The following PCDHGA3 variants were observed in gnomAD, a reference collection of about 807,000 sequenced individuals.
The protein encoded by PCDHGA3 is protocadherin gamma-A3.
Under a neutral mutation model 58.5 loss-of-function variants are expected in PCDHGA3, and 40 were observed. The ratio of observed to expected loss-of-function variants is 0.68; its 90% confidence interval spans 0.53 to 0.89. The LOEUF (loss-of-function observed/expected upper bound fraction) is 0.89. Ranked by LOEUF, PCDHGA3 falls within the 40% of genes least tolerant of loss-of-function variation. The probability of loss-of-function intolerance (pLI) is 0.00; values close to 1 mark genes in which losing one functional copy is unlikely to be tolerated. For missense variants in PCDHGA3, 1,223 were observed against 1,195.9 expected, an observed-to-expected ratio of 1.02 and a Z score of -0.33; for synonymous variants, 530 against 525.7, an observed-to-expected ratio of 1.01 and a Z score of -0.11.
intron 1 of PCDHGA3, among the ~76,000 whole-genome samples, chr5:141,468,868 A>T (rs1006995156): frequency 9.2e-5 from 14 of 151,794 alleles, no homozygotes; most frequent in African/African-American, 2.4e-4. Flanking sequence ...TCCATCTCAA[A>T]AATAATAATA....
rs560662076 is a variant in PCDHGA3, at chr5:141,498,856, C to A, written c.2483+3991C>A. Among the ~76,000 whole-genome samples, 72 of 152,004 alleles carry A rather than the reference C, an allele frequency of 4.7e-4. 2 individuals carry two copies. Among genetic ancestry groups the A allele is most frequent in the African/African-American group, 1.7e-3 (69 of 41,430 alleles). ...GCTGAGGCAGGGGAATCGCTTGAACCCAGGAGGCGGAGGTTGCAGTGAGCT... is the reference window on the plus strand; with the variant it reads ...GCTGAGGCAGGGGAATCGCTTGAACACAGGAGGCGGAGGTTGCAGTGAGCT... On this transcript the variant is annotated intron_variant, in intron 2 of 3. Coordinates refer to ENST00000253812, the MANE Select transcript of PCDHGA3 (RefSeq NM_018916.4).
chr5:141,399,996 C>A (rs753801667), intron 1 of PCDHGA3: 5 of 1,612,402 alleles, frequency 3.1e-6, no homozygotes, highest in Non-Finnish European at 4.2e-6. Flanking sequence ...GAGAGGTGCG[C>A]ACAGCGCGTG....
chr5:141,491,507 C>A lies in PCDHGA3; in HGVS notation c.2425-3300C>A, dbSNP rs755899622. 1.9e-6 allele frequency: 3 copies of A among 1,614,038 alleles called. No individual in the cohort carries two copies. The highest frequency in any genetic ancestry group is 1.6e-4 in the Middle Eastern group (1 of 6,062). Reference sequence around the variant, plus strand: ...AACCTGCAGGTGAGCTCGGACGGCACGCTCAAGTACATGGAGGTGACGCTG... The same window carrying A: ...AACCTGCAGGTGAGCTCGGACGGCAAGCTCAAGTACATGGAGGTGACGCTG... On this transcript the variant is annotated intron_variant, in intron 1 of 3. Transcript: ENST00000253812. The surrounding 1 kb of genome is among the most constrained non-coding windows in gnomAD (Gnocchi z 6.9).
chr5:141,372,928 T>C, intron 1 of PCDHGA3: 1 of 925,756 alleles, frequency 1.1e-6, no homozygotes, highest in Non-Finnish European at 1.6e-6. Context: ...GATTTTCTGG[T>C]GTAGAGTAGG....
At chr5:141,446,493 T>C (rs1416449558) in intron 1 of PCDHGA3, among the ~76,000 whole-genome samples, 2 of 152,152 alleles carry the variant, frequency 1.3e-5, no homozygotes. Flanking sequence ...TTTTTTTTTT[T>C]TGAGATGGAG....
chr5:141,385,231 A>G (rs1781024340), intron 1 of PCDHGA3: 1 of 1,614,136 alleles, frequency 6.2e-7, no homozygotes, highest in Non-Finnish European at 8.5e-7. Flanking sequence ...CTATGTAGAC[A>G]TGCTCATCAG....
At chr5:141,400,791 T>C in intron 1 of PCDHGA3, 1 of 562,286 alleles carries the variant, frequency 1.8e-6, no homozygotes, top group Non-Finnish European at 3.1e-6. Flanking sequence ...TTTGTCCTCT[T>C]TCTCAAAGCT....
At chr5:141,355,120 T>C (rs1759719177) in intron 1 of PCDHGA3, 2 of 1,514,578 alleles carry the variant, frequency 1.3e-6, no homozygotes, top group Non-Finnish European at 8.8e-7. Flanking sequence ...GCACTTTATT[T>C]TGGACCCAGA....
chr5:141,477,502 C>A lies in PCDHGA3; in HGVS notation c.2425-17305C>A, dbSNP rs2099412065. On this transcript the variant is annotated intron_variant, in intron 1 of 3. Coordinates refer to ENST00000253812, the MANE Select transcript of PCDHGA3 (RefSeq NM_018916.4). This position sits in a 1 kb window ranked among gnomAD's most constrained non-coding sequence, Gnocchi z 4.9. ...CTCCACAATCTTCTCAATCTTCCTA[C>A]GACGTTTACATTGAAGAAAACAACC... The A allele has an allele frequency of 9.3e-6, 15 of 1,614,026 alleles. No homozygotes were observed. The highest frequency in any genetic ancestry group is 1.3e-5 in the Non-Finnish European group (15 of 1,180,026).
intron 1 of PCDHGA3, among the ~76,000 whole-genome samples, chr5:141,369,996 C>T (rs1292122597): frequency 6.6e-6 from 1 of 152,078 alleles, no homozygotes; most frequent in Non-Finnish European, 1.5e-5. Flanking sequence ...GGATAAAGCT[C>T]AAATTAAAAG....
Position 141,485,943 on chromosome 5 carries a change from C to A in PCDHGA3, c.2425-8864C>A, listed in dbSNP as rs750871245. The A allele has an allele frequency of 1.9e-6, 3 of 1,614,126 alleles. No individual in the cohort carries two copies. Among genetic ancestry groups the A allele is most frequent in the Non-Finnish European group, 1.7e-6 (2 of 1,180,012 alleles). ...ATTAGTGTGTTGGAGAGCGCACCAG[C>A]GGGCATGGTGCTCATCCAGCTCAAT... is the stretch of plus-strand genomic sequence containing the variant. On this transcript the variant is annotated intron_variant, in intron 1 of 3. Coordinates refer to ENST00000253812, the MANE Select transcript of PCDHGA3 (RefSeq NM_018916.4). The surrounding 1 kb of genome is among the most constrained non-coding windows in gnomAD (Gnocchi z 5.7).
chr5:141,411,258 A>G (rs1415319110), intron 1 of PCDHGA3: 1 of 152,200 alleles, frequency 6.6e-6, no homozygotes, highest in African/African-American at 2.4e-5. Flanking sequence ...TATCTTATTT[A>G]TATATTTTTA....
At chr5:141,427,480 A>G in intron 1 of PCDHGA3, 1 of 531,758 alleles carries the variant, frequency 1.9e-6, no homozygotes, top group South Asian at 1.5e-5. Context: ...GCCAATAATG[A>G]CTATAAGCTT....
At chr5:141,385,552 T>C in intron 1 of PCDHGA3, 2 of 1,315,868 alleles carry the variant, frequency 1.5e-6, no homozygotes, top group Non-Finnish European at 9.7e-7. Flanking sequence ...ACTATCACAT[T>C]TTATAATTTC....
chr5:141,466,486 T>C (rs1005010773), intron 1 of PCDHGA3, among the ~76,000 whole-genome samples: 1 of 152,240 alleles, frequency 6.6e-6, no homozygotes, highest in Non-Finnish European at 1.5e-5. Flanking sequence ...GTAGGTCTTC[T>C]TTAATTAGAG....
intron 1 of PCDHGA3, among the ~76,000 whole-genome samples, chr5:141,373,152 A>C (rs1769359529): frequency 6.6e-6 from 1 of 152,250 alleles, no homozygotes; most frequent in Non-Finnish European, 1.5e-5. Context: ...TGGTTTACTT[A>C]GTTTTAATGC....
At chr5:141,481,812 C>T (rs2099545604) in intron 1 of PCDHGA3, among the ~76,000 whole-genome samples, 2 of 149,798 alleles carry the variant, frequency 1.3e-5, no homozygotes, top group South Asian at 2.1e-4. Context: ...ATTCACCAGG[C>T]GTGGTGGCTG....
At chr5:141,365,896 T>G (rs1764191904) in intron 1 of PCDHGA3, 1 of 1,614,094 alleles carries the variant, frequency 6.2e-7, no homozygotes. Context: ...CCTTCGACTA[T>G]GAGCAGTTGA....
intron 1 of PCDHGA3, chr5:141,409,818 C>G (rs1027344375): frequency 3.7e-6 from 6 of 1,610,800 alleles, no homozygotes; most frequent in African/African-American, 1.3e-5. Flanking sequence ...GACCACGGCT[C>G]GCCCACGCTC....
Sources: gnomAD v4.1 joint callset for allele counts (sites outside exome capture counted in the v4.1 genomes callset) on GRCh38, gnomAD v4.1.1 for gene constraint, Gnocchi (gnomAD v3.1) non-coding constraint, MANE v1.5 for transcripts, NCBI Gene and HGNC (gene_info 2026-07-23, HGNC 2026-07-21) for gene names.